CDH13: variants seen among roughly 807,000 people sequenced by gnomAD.
CDH13 encodes the protein cadherin 13.
A neutral mutation model predicts 63.8 loss-of-function variants in CDH13; 24 were observed. The observed-to-expected ratio is 0.38, with a 90% confidence interval of 0.27 to 0.53. The LOEUF (loss-of-function observed/expected upper bound fraction) is 0.53. CDH13 is among the 20% of genes least tolerant of loss of function. The pLI, the probability that CDH13 is intolerant of heterozygous loss-of-function variation, is 0.85. For synonymous variants in CDH13, 503 were observed against 355.3 expected, an observed-to-expected ratio of 1.42 and a Z score of -4.67; for missense variants, 1,049 against 903.1, an observed-to-expected ratio of 1.16 and a Z score of -2.07.
rs1041016609 is a variant in CDH13 at position 83,798,212 on chromosome 16, A to G, written c.*3182A>G. 1.3e-5 allele frequency: 2 copies of G among 152,188 alleles called. No individual in the cohort carries two copies. Among genetic ancestry groups the G allele is most frequent in the African/African-American group, 4.8e-5 (2 of 41,460 alleles). 9.4% of individuals were successfully genotyped at this position (152,188 alleles called of 1,614,324 possible). Reference sequence around the variant, plus strand: ...AGTAGCTCAAATTGCATTTTACCCAAATAAATACACTGGGTCTTAATCTTA... The same window carrying G: ...AGTAGCTCAAATTGCATTTTACCCAGATAAATACACTGGGTCTTAATCTTA... On this transcript the variant is annotated 3_prime_UTR_variant, in exon 14 of 14. Coordinates refer to ENST00000567109, the MANE Select transcript of CDH13 (RefSeq NM_001257.5).
At chr16:83,743,748 C>CTTTTTTTTTTTTTCTTTT (rs1912284064) in intron 10 of CDH13, among the ~76,000 whole-genome samples, 2 of 76,256 alleles carry the variant, frequency 2.6e-5, no homozygotes, top group African/African-American at 5.5e-5. Context: ...TTTCTTTTTT[C>CTTTTTTTTTTTTTCTTTT]TTTTTTTTTT....
intron 6 of CDH13, among the ~76,000 whole-genome samples, chr16:83,352,434 C>G (rs1212133627): frequency 6.6e-6 from 1 of 152,132 alleles, no homozygotes; most frequent in Non-Finnish European, 1.5e-5. Flanking sequence ...TAGAATAGAA[C>G]TACCATTTAA....
rs1433867791 is a variant in CDH13, at chr16:82,676,368, C to T, written c.45+49231C>T. ...TGGCACCATTCTCCATCCAGTTTTTCCCCTTTCTCACAGTCAATTAAAATT... is the reference window on the plus strand; with the variant it reads ...TGGCACCATTCTCCATCCAGTTTTTTCCCTTTCTCACAGTCAATTAAAATT... On this transcript the variant is annotated intron_variant, in intron 1 of 13. Coordinates refer to ENST00000567109, the MANE Select transcript of CDH13 (RefSeq NM_001257.5). Among the ~76,000 whole-genome samples the T allele has an allele frequency of 3.3e-5, 5 of 152,206 alleles. No individual in the cohort carries two copies. In the East Asian group the frequency reaches 9.7e-4, roughly 29 times the overall value.
intron 10 of CDH13, among the ~76,000 whole-genome samples, chr16:83,705,042 C>G (rs113642792): frequency 0.019 from 2,959 of 152,320 alleles, 32 homozygotes; most frequent in Non-Finnish European, 0.03. Context: ...AACTGAAGCT[C>G]ACCACTTCAA....
At chr16:83,115,167 A>G (rs1279494914) in intron 3 of CDH13, among the ~76,000 whole-genome samples, 2 of 152,218 alleles carry the variant, frequency 1.3e-5, no homozygotes, top group Admixed American at 6.5e-5. Context: ...GGTTTATAGC[A>G]AAGTGTTTTT....
At chr16:83,465,073 A>G (rs905819414) in intron 6 of CDH13, among the ~76,000 whole-genome samples, 1 of 152,224 alleles carries the variant, frequency 6.6e-6, no homozygotes, top group Non-Finnish European at 1.5e-5. Context: ...GGGTGGTGAC[A>G]GAAGGCGGCA....
In CDH13 at chr16:82,924,089, A is replaced by G. The variant is rs2042235699; in HGVS notation, c.157+65616A>G. Among the ~76,000 whole-genome samples, 5 of 152,250 alleles carry G rather than the reference A, an allele frequency of 3.3e-5. No individual in the cohort carries two copies. In the South Asian group the frequency reaches 6.2e-4, roughly 19 times the overall value. On this transcript the variant is annotated intron_variant, in intron 2 of 13. Transcript: ENST00000567109. ...AATCAAAGTTGATGGAGATTACCCA[A>G]TTAAATAACTGGTATATAACTAGTT...
intron 10 of CDH13, among the ~76,000 whole-genome samples, chr16:83,691,716 C>A (rs1346555276): frequency 2.0e-5 from 3 of 152,078 alleles, no homozygotes; most frequent in Non-Finnish European, 4.4e-5. Context: ...TGTACATTGT[C>A]CCCAGGAGTC....
At chr16:82,913,226 AT>A (rs930721971) in intron 2 of CDH13, among the ~76,000 whole-genome samples, 2 of 152,062 alleles carry the variant, frequency 1.3e-5, no homozygotes, top group African/African-American at 4.8e-5. Flanking sequence ...GAGTTTACCT[AT>A]TTTTTCCAAA....
chr16:83,144,163 C>T (rs944437451), intron 4 of CDH13, among the ~76,000 whole-genome samples: 3 of 152,148 alleles, frequency 2.0e-5, no homozygotes, highest in African/African-American at 4.8e-5. Context: ...TTCTTTCTCT[C>T]CCTACCTGGA....
chr16:82,710,552 A>AAAATATAT lies in CDH13; in HGVS notation c.45+83416_45+83417insAATATATA, dbSNP rs60196638. ...TGTCTCAAAAAAAAAAAAAAAAAAA[A>AAAATATAT]ATATATATATATATATATATATATA... On this transcript the variant is annotated intron_variant, in intron 1 of 13. Coordinates refer to ENST00000567109, the MANE Select transcript of CDH13 (RefSeq NM_001257.5). Among the ~76,000 whole-genome samples the AAAATATAT allele has an allele frequency of 1.6e-3, 104 of 63,736 alleles. 1 individual carries two copies. Among genetic ancestry groups the AAAATATAT allele is most frequent in the African/African-American group, 2.6e-3 (45 of 17,234 alleles). The allele number at this position is 63,736 out of a possible 152,430, so 41.8% of individuals were successfully genotyped here.
At chr16:83,373,939 G>A (rs1292860612) in intron 6 of CDH13, among the ~76,000 whole-genome samples, 2 of 152,182 alleles carry the variant, frequency 1.3e-5, no homozygotes, top group Non-Finnish European at 2.9e-5. Context: ...CCAGGGGAAT[G>A]AGCATGCTGA....
chr16:82,680,448 G>T (rs1364374629), intron 1 of CDH13, among the ~76,000 whole-genome samples: 1 of 151,836 alleles, frequency 6.6e-6, no homozygotes. Flanking sequence ...TGTGATTCTT[G>T]TAGCAATTGC....
At chr16:83,200,935 G>GTA (rs2039009031) in intron 4 of CDH13, among the ~76,000 whole-genome samples, 2 of 117,218 alleles carry the variant, frequency 1.7e-5, no homozygotes, top group African/African-American at 3.9e-5. Context: ...GTGTGTGTGT[G>GTA]TGTGTGTGTG....
At chr16:82,849,135 G>T (rs2039381709) in intron 1 of CDH13, among the ~76,000 whole-genome samples, 1 of 152,208 alleles carries the variant, frequency 6.6e-6, no homozygotes, top group Non-Finnish European at 1.5e-5. Flanking sequence ...TGAAGAAGCT[G>T]CAGGAGAAAA....
intron 6 of CDH13, among the ~76,000 whole-genome samples, chr16:83,367,464 A>C (rs1166824012): frequency 1.3e-5 from 2 of 152,190 alleles, no homozygotes; most frequent in East Asian, 3.8e-4. Flanking sequence ...ATTTTTGTGT[A>C]AGTTTCCTGT....
intron 3 of CDH13, among the ~76,000 whole-genome samples, chr16:83,073,941 G>A (rs1444180934): frequency 6.6e-6 from 1 of 152,016 alleles, no homozygotes; most frequent in African/African-American, 2.4e-5. Context: ...GTCAAGTCAG[G>A]GAATTTAGAA....
intron 7 of CDH13, among the ~76,000 whole-genome samples, chr16:83,564,335 C>G (rs1216126410): frequency 6.6e-6 from 1 of 151,402 alleles, no homozygotes; most frequent in Non-Finnish European, 1.5e-5. Context: ...AACATAAACC[C>G]AGACAAGGGG....
intron 1 of CDH13, among the ~76,000 whole-genome samples, chr16:82,788,056 GAAT>G (rs2036106265): frequency 6.6e-6 from 1 of 152,118 alleles, no homozygotes; most frequent in Admixed American, 6.5e-5. Flanking sequence ...TGCCCTGTTG[GAAT>G]AATAAGTCAG....
Sources: gnomAD v4.1 joint callset for allele counts (sites outside exome capture counted in the v4.1 genomes callset) on GRCh38, gnomAD v4.1.1 for gene constraint, MANE v1.5 for transcripts, NCBI Gene and HGNC (gene_info 2026-07-23, HGNC 2026-07-21) for gene names.